SUCLG2: variants seen among roughly 807,000 people sequenced by gnomAD.
SUCLG2 encodes succinate-CoA ligase GDP-forming subunit beta, also known as succinate--CoA ligase [GDP-forming] subunit beta, mitochondrial.
A neutral mutation model predicts 47.9 loss-of-function variants in SUCLG2; 42 were observed. The observed-to-expected ratio is 0.88, with a 90% confidence interval of 0.69 to 1.14. The LOEUF is 1.14. Among genes scored for constraint, SUCLG2 ranks in the 50% most tolerant of loss-of-function variants. The pLI is 0.00. For missense variants in SUCLG2, 571 were observed against 525.9 expected, an observed-to-expected ratio of 1.09 and a Z score of -0.84; for synonymous variants, 195 against 197.3, an observed-to-expected ratio of 0.99 and a Z score of 0.10.
At chr3:67,643,324 C>A (rs1701135469) in intron 1 of SUCLG2, among the ~76,000 whole-genome samples, 1 of 152,130 alleles carries the variant, frequency 6.6e-6, no homozygotes, top group Non-Finnish European at 1.5e-5. Context: ...TTTTATTAAT[C>A]TTTTTGAAAT....
chr3:67,403,134 G>A (rs979299692), intron 9 of SUCLG2, among the ~76,000 whole-genome samples: 2 of 152,016 alleles, frequency 1.3e-5, no homozygotes, highest in South Asian at 2.1e-4. Flanking sequence ...AACCACTTGC[G>A]GTTAAAATTT....
At chr3:67,433,814 A>AC (rs1703547246) in intron 9 of SUCLG2, among the ~76,000 whole-genome samples, 1 of 152,180 alleles carries the variant, frequency 6.6e-6, no homozygotes, top group Non-Finnish European at 1.5e-5. Context: ...AAAAAAAAAA[A>AC]AACTTATTTG....
intron 1 of SUCLG2, among the ~76,000 whole-genome samples, chr3:67,647,643 A>G (rs994082570): frequency 6.6e-6 from 1 of 152,164 alleles, no homozygotes; most frequent in African/African-American, 2.4e-5. Flanking sequence ...CGTCACTACT[A>G]AGTCAACACT....
chr3:67,620,198 T>G (rs1700708433), intron 1 of SUCLG2, among the ~76,000 whole-genome samples: 1 of 152,220 alleles, frequency 6.6e-6, no homozygotes, highest in African/African-American at 2.4e-5. Context: ...AGCAAGCTTT[T>G]GCCCTAGGAG....
intron 6 of SUCLG2, among the ~76,000 whole-genome samples, chr3:67,510,236 A>T (rs2107101919): frequency 6.6e-6 from 1 of 152,362 alleles, no homozygotes; most frequent in East Asian, 1.9e-4. Flanking sequence ...AAATATTGCA[A>T]GTGGTTCCAG....
At chr3:67,365,368 T>G (rs1033656237) in intron 10 of SUCLG2, among the ~76,000 whole-genome samples, 1 of 152,230 alleles carries the variant, frequency 6.6e-6, no homozygotes, top group Non-Finnish European at 1.5e-5. Flanking sequence ...AGCCACCAGA[T>G]AATCACTTTG....
At position 67,457,310 on chromosome 3, in the gene SUCLG2, TCTC is replaced by T. The variant is rs565301223; in HGVS notation, c.1062+38485_1062+38487del. Among the ~76,000 whole-genome samples the T allele has an allele frequency of 1.6e-3, 243 of 152,308 alleles. 1 individual carries two copies. The highest frequency in any genetic ancestry group is 5.6e-3 in the African/African-American group (232 of 41,548). On this transcript the variant is annotated intron_variant, in intron 9 of 10. Transcript: ENST00000307227. ...GAAAAGAACAGATTTTCAATTTCCTTCTCCTAAAAATGTCATGCTCTAAAGTGA... is the reference window on the plus strand; with the variant it reads ...GAAAAGAACAGATTTTCAATTTCCTTCTAAAAATGTCATGCTCTAAAGTGA...
At position 67,630,131 on chromosome 3, in the gene SUCLG2, C is replaced by A. The variant is rs544467235; in HGVS notation, c.85-20535G>T. 3.3e-5 allele frequency among the ~76,000 whole-genome samples: 5 copies of A among 151,460 alleles called. No individual in the cohort carries two copies. The South Asian group carries it at 1.0e-3, about 32-fold the overall frequency. On this transcript the variant is annotated intron_variant, in intron 1 of 10. Coordinates refer to ENST00000307227, the MANE Select transcript of SUCLG2 (RefSeq NM_003848.4). Reference sequence around the variant, plus strand: ...TACAAGGTACTGTACACTCTATTTACGATAAAGGAATGAAACCTACTTTAT... The same window carrying A: ...TACAAGGTACTGTACACTCTATTTAAGATAAAGGAATGAAACCTACTTTAT...
chr3:67,496,403 T>C (rs902050413), intron 8 of SUCLG2, among the ~76,000 whole-genome samples: 2 of 151,946 alleles, frequency 1.3e-5, no homozygotes, highest in African/African-American at 4.8e-5. Context: ...ATGTTTTGTT[T>C]GCTGAGAATA....
intron 1 of SUCLG2, among the ~76,000 whole-genome samples, chr3:67,652,645 C>T (rs1701307797): frequency 6.6e-6 from 1 of 152,156 alleles, no homozygotes; most frequent in Non-Finnish European, 1.5e-5. Context: ...TTACTACTGG[C>T]ATGCAGATTA....
Position 67,568,716 on chromosome 3 carries a change from T to C in SUCLG2, c.227-39530A>G, listed in dbSNP as rs184467984. On this transcript the variant is annotated intron_variant, in intron 2 of 10. Coordinates refer to ENST00000307227, the MANE Select transcript of SUCLG2 (RefSeq NM_003848.4). ...TCCTGGCTAACACGGTGAAGCCCCATCTCTACTAAAAATACAAAAAATTAG... is the reference window on the plus strand; with the variant it reads ...TCCTGGCTAACACGGTGAAGCCCCACCTCTACTAAAAATACAAAAAATTAG... Among the ~76,000 whole-genome samples, 261 of 152,060 alleles carry C rather than the reference T, an allele frequency of 1.7e-3. 3 individuals carry two copies. In the East Asian group the frequency reaches 0.036, roughly 21 times the overall value.
At chr3:67,501,491 T>C (rs1431681800) in intron 7 of SUCLG2, among the ~76,000 whole-genome samples, 2 of 152,192 alleles carry the variant, frequency 1.3e-5, no homozygotes, top group Non-Finnish European at 2.9e-5. Context: ...TAGGAGAATC[T>C]TGTGTTCTAA....
chr3:67,483,350 A>G (rs1006704492), intron 9 of SUCLG2, among the ~76,000 whole-genome samples: 14 of 152,292 alleles, frequency 9.2e-5, no homozygotes, highest in Non-Finnish European at 1.8e-4. Context: ...GATAGCATTC[A>G]TGTCATTACC....
intron 6 of SUCLG2, among the ~76,000 whole-genome samples, chr3:67,510,594 C>T (rs1705760255): frequency 6.6e-6 from 1 of 152,126 alleles, no homozygotes; most frequent in Non-Finnish European, 1.5e-5. Flanking sequence ...TGTTCCAATA[C>T]CTCTTTACTT....
At chr3:67,522,158 G>C (rs186623874) in intron 4 of SUCLG2, among the ~76,000 whole-genome samples, 2 of 151,672 alleles carry the variant, frequency 1.3e-5, no homozygotes, top group African/African-American at 2.4e-5. Flanking sequence ...AGGTTCAAAC[G>C]AATCTCCTGA....
intron 4 of SUCLG2, among the ~76,000 whole-genome samples, chr3:67,526,984 G>T (rs964838654): frequency 2.0e-5 from 3 of 152,162 alleles, no homozygotes; most frequent in African/African-American, 7.2e-5. Context: ...CCATATCATA[G>T]ATTGCTACAT....
intron 1 of SUCLG2, among the ~76,000 whole-genome samples, chr3:67,622,502 T>C (rs1331258422): frequency 6.6e-6 from 1 of 152,194 alleles, no homozygotes; most frequent in Non-Finnish European, 1.5e-5. Context: ...TGAGCAAATC[T>C]GAGAAAATAG....
chr3:67,373,490 A>G (rs1377271496), downstream of SUCLG2, among the ~76,000 whole-genome samples: 1 of 152,132 alleles, frequency 6.6e-6, no homozygotes, highest in Non-Finnish European at 1.5e-5. Flanking sequence ...TTGGGTGGGG[A>G]CACAGCCAAA....
At chr3:67,384,164 C>T (rs991885280) in intron 10 of SUCLG2, among the ~76,000 whole-genome samples, 1 of 152,180 alleles carries the variant, frequency 6.6e-6, no homozygotes, top group Non-Finnish European at 1.5e-5. Context: ...GAGTGGACCT[C>T]ATTGCTAATA....
Sources: gnomAD v4.1 joint callset for allele counts (sites outside exome capture counted in the v4.1 genomes callset) on GRCh38, gnomAD v4.1.1 for gene constraint, MANE v1.5 for transcripts, NCBI Gene and HGNC (gene_info 2026-07-23, HGNC 2026-07-21) for gene names.